The following HDHD2 variants were observed in gnomAD, a reference collection of about 807,000 sequenced individuals.
The protein encoded by HDHD2 is haloacid dehalogenase-like hydrolase domain-containing protein 2.
Under a neutral mutation model 24.8 loss-of-function variants are expected in HDHD2, and 26 were observed. The ratio of observed to expected loss-of-function variants is 1.05; its 90% CI spans 0.77 to 1.45. The LOEUF (loss-of-function observed/expected upper bound fraction) is 1.45. Among genes scored for constraint, HDHD2 ranks in the 40% most tolerant of loss-of-function variants. HDHD2 has a pLI of 0.00. For synonymous variants in HDHD2, 128 were observed against 114.9 expected, an observed-to-expected ratio of 1.11 and a Z score of -0.73; for missense variants, 299 against 313.4, an observed-to-expected ratio of 0.95 and a Z score of 0.35.
At chr18:47,146,903 G>A (rs2063876637) in intron 1 of HDHD2, among the ~76,000 whole-genome samples, 1 of 152,066 alleles carries the variant, frequency 6.6e-6, no homozygotes, top group Admixed American at 6.6e-5. Context: ...GAGCGCAAAG[G>A]GAGCCTCTAA....
At chr18:47,136,495 G>A in intron 1 of HDHD2, 46 bp from the exon 2 acceptor site, 1 of 1,530,400 alleles carries the variant, frequency 6.5e-7, no homozygotes, top group Non-Finnish European at 8.9e-7. Context: ...AGGAAACAAT[G>A]GACAATTAAA....
chr18:47,146,437 T>C (rs925439576), intron 1 of HDHD2, among the ~76,000 whole-genome samples: 9 of 152,152 alleles, frequency 5.9e-5, no homozygotes, highest in Non-Finnish European at 1.2e-4. Context: ...TGTACAAGCA[T>C]TTTGGAATCA....
chr18:47,139,532 C>T (rs1045583272), intron 1 of HDHD2, among the ~76,000 whole-genome samples: 2 of 150,782 alleles, frequency 1.3e-5, no homozygotes, highest in Non-Finnish European at 2.9e-5. Context: ...AAGTGTTTCC[C>T]TGAATTTGGT....
intron 5 of HDHD2, among the ~76,000 whole-genome samples, chr18:47,113,874 C>T (rs1408377939): frequency 2.0e-5 from 3 of 151,946 alleles, no homozygotes; most frequent in African/African-American, 7.3e-5. Flanking sequence ...CTAAACTTGC[C>T]CTGTTGAAGA....
At chr18:47,110,357 A>G in intron 6 of HDHD2, 2 of 985,422 alleles carry the variant, frequency 2.0e-6, no homozygotes, top group South Asian at 4.7e-5. Flanking sequence ...TGTCCATAGC[A>G]TGGTCCCCGC....
At chr18:47,110,322 C>G in intron 6 of HDHD2, 1 of 985,104 alleles carries the variant, frequency 1.0e-6, no homozygotes. Flanking sequence ...ATATACCTCA[C>G]TCTCGTTAGC....
intron 2 of HDHD2, among the ~76,000 whole-genome samples, chr18:47,135,550 C>T (rs1040699805): frequency 4.6e-5 from 7 of 152,082 alleles, no homozygotes; most frequent in African/African-American, 9.7e-5. Flanking sequence ...CGTGAGCCAC[C>T]GCGCCTGGCC....
intron 2 of HDHD2, 79 bp downstream of exon 2, chr18:47,136,260 A>G (rs1439717982): frequency 6.4e-7 from 1 of 1,571,208 alleles, no homozygotes; most frequent in Admixed American, 1.7e-5. Flanking sequence ...TCTTAAGGCC[A>G]TCCATTTAGC....
intron 4 of HDHD2, among the ~76,000 whole-genome samples, chr18:47,122,362 G>A (rs1015390449): frequency 3.3e-5 from 5 of 152,270 alleles, no homozygotes; most frequent in Admixed American, 1.3e-4. Context: ...GAAAATGCCT[G>A]CTGTGGGGGC....
intron 2 of HDHD2, 79 bp from the exon 3 acceptor site, chr18:47,134,783 G>T: frequency 1.7e-6 from 2 of 1,163,148 alleles, no homozygotes; most frequent in Non-Finnish European, 2.5e-6. Context: ...TGTTAAAACT[G>T]TGCCAAATGT....
chr18:47,140,601 C>T (rs1301707940), intron 1 of HDHD2, among the ~76,000 whole-genome samples: 1 of 152,108 alleles, frequency 6.6e-6, no homozygotes, highest in Non-Finnish European at 1.5e-5. Context: ...TCACTGCAGC[C>T]TCGACTGCCC....
intron 4 of HDHD2, among the ~76,000 whole-genome samples, chr18:47,124,907 G>C (rs2063643468): frequency 6.6e-6 from 1 of 152,106 alleles, no homozygotes; most frequent in Admixed American, 6.5e-5. Context: ...GCTCACACCT[G>C]TAATCCCAGC....
intron 4 of HDHD2, among the ~76,000 whole-genome samples, chr18:47,127,769 T>G (rs929051000): frequency 2.0e-5 from 3 of 148,178 alleles, no homozygotes; most frequent in African/African-American, 7.5e-5. Context: ...ATTTAAAAGA[T>G]ATTTGTAGAA....
intron 2 of HDHD2, 178 bp downstream of exon 2, chr18:47,136,161 A>C: frequency 1.4e-6 from 1 of 699,374 alleles, no homozygotes; most frequent in Non-Finnish European, 2.2e-6. Context: ...AAAGGCTTAG[A>C]AAACAATGTT....
chr18:47,139,064 G>A (rs867916054), intron 1 of HDHD2, among the ~76,000 whole-genome samples: 22 of 152,244 alleles, frequency 1.4e-4, no homozygotes, highest in Middle Eastern at 6.8e-3. Context: ...TGTGAGGGTG[G>A]CACACCCTAA....
In HDHD2 at chr18:47,117,859, A is replaced by G. The variant is rs1229822682; in HGVS notation, c.396-2511T>C. The stretch of plus-strand genomic sequence containing the variant: ...TAATTATGCAACTTGCTTTATTGTG[A>G]TACTTATTTTATTGCAGTGGTCTGC... On this transcript the variant is annotated intron_variant, in intron 4 of 6. Coordinates refer to ENST00000300605, the MANE Select transcript of HDHD2 (RefSeq NM_032124.5). 2.6e-5 allele frequency among the ~76,000 whole-genome samples: 4 copies of G among 152,060 alleles called. No homozygotes were observed. In the East Asian group the frequency reaches 7.7e-4, roughly 29 times the overall value.
At chr18:47,133,232 GA>G (rs2063730516) in intron 3 of HDHD2, among the ~76,000 whole-genome samples, 1 of 151,292 alleles carries the variant, frequency 6.6e-6, no homozygotes, top group Non-Finnish European at 1.5e-5. Flanking sequence ...ACCTATGAGT[GA>G]GAACATGCAG....
intron 1 of HDHD2, chr18:47,137,331 A>G: frequency 2.6e-6 from 1 of 387,554 alleles, no homozygotes; most frequent in South Asian, 2.4e-5. Flanking sequence ...TTACTCCAGA[A>G]TTCTGTTCTT....
intron 5 of HDHD2, among the ~76,000 whole-genome samples, chr18:47,114,735 G>A (rs1192623364): frequency 6.6e-6 from 1 of 152,072 alleles, no homozygotes; most frequent in Non-Finnish European, 1.5e-5. Flanking sequence ...AACAATAGTG[G>A]TAGAATTCTT....
Sources: gnomAD v4.1 joint callset for allele counts (sites outside exome capture counted in the v4.1 genomes callset) on GRCh38, gnomAD v4.1.1 for gene constraint, MANE v1.5 for transcripts, NCBI Gene and HGNC (gene_info 2026-07-23, HGNC 2026-07-21) for gene names.